TEX9: variants seen among roughly 807,000 people sequenced by gnomAD.
TEX9 encodes testis-expressed protein 9.
TEX9 carries 74 observed loss-of-function variants against 59.6 expected under a neutral mutation model. That is an observed-to-expected ratio of 1.24 (90% CI 1.03 to 1.51). TEX9 has a LOEUF of 1.51. Among genes scored for constraint, TEX9 ranks in the 40% most tolerant of loss-of-function variants. TEX9 has a pLI of 0.00. For synonymous variants in TEX9, 186 were observed against 152.2 expected (o/e 1.22, Z -1.64); for missense variants, 522 against 447.8 (o/e 1.17, Z -1.49).
At chr15:56,262,142 A>C (rs1256463391) in intron 1 of TEX9, among the ~76,000 whole-genome samples, 1 of 152,218 alleles carries the variant, frequency 6.6e-6, no homozygotes, top group Non-Finnish European at 1.5e-5. Context: ...CCAGGAAGCA[A>C]AAAATGTTTT....
intron 1 of TEX9, among the ~76,000 whole-genome samples, chr15:56,285,201 G>A (rs1405016982): frequency 2.0e-5 from 3 of 152,014 alleles, no homozygotes; most frequent in Admixed American, 6.6e-5. Flanking sequence ...GCAGTCTCTT[G>A]ATTTTCGTGT....
At chr15:56,315,903 A>G (rs1435358505) in intron 1 of TEX9, among the ~76,000 whole-genome samples, 1 of 151,008 alleles carries the variant, frequency 6.6e-6, no homozygotes, top group East Asian at 1.9e-4. Flanking sequence ...TATTCATTTC[A>G]TCTTCCATCG....
At chr15:56,264,706 T>G (rs1362038234) in intron 1 of TEX9, among the ~76,000 whole-genome samples, 1 of 152,236 alleles carries the variant, frequency 6.6e-6, no homozygotes, top group Non-Finnish European at 1.5e-5. Context: ...TTATCCTACA[T>G]TATACTGCAG....
At chr15:56,383,143 G>A (rs754205699) in intron 3 of TEX9, among the ~76,000 whole-genome samples, 44 of 152,218 alleles carry the variant, frequency 2.9e-4, no homozygotes, top group Non-Finnish European at 2.8e-4. Context: ...CAAAGTCTCC[G>A]CCCCGCATGA....
chr15:56,408,271 A>G (rs2049174665), intron 9 of TEX9, among the ~76,000 whole-genome samples: 1 of 152,244 alleles, frequency 6.6e-6, no homozygotes, highest in East Asian at 1.9e-4. Context: ...TCCACACTGT[A>G]GTTGTGGTCC....
chr15:56,341,456 G>T (rs2046370888), intron 1 of TEX9, among the ~76,000 whole-genome samples: 1 of 152,154 alleles, frequency 6.6e-6, no homozygotes, highest in Non-Finnish European at 1.5e-5. Context: ...CAGCTGGCCA[G>T]CGGTGAGTCA....
intron 1 of TEX9, among the ~76,000 whole-genome samples, chr15:56,256,768 A>G (rs555629796): frequency 1.3e-5 from 2 of 152,126 alleles, no homozygotes; most frequent in Middle Eastern, 6.8e-3. Flanking sequence ...TTACTTATTT[A>G]TTTATTTGTT....
chr15:56,346,423 G>A (rs1205175888), intron 1 of TEX9, among the ~76,000 whole-genome samples: 1 of 152,152 alleles, frequency 6.6e-6, no homozygotes, highest in South Asian at 2.1e-4. Context: ...TGGATCCCAG[G>A]ATGGCATCTA....
chr15:56,291,610 A>T (rs762430154), intron 1 of TEX9, among the ~76,000 whole-genome samples: 48 of 152,194 alleles, frequency 3.2e-4, no homozygotes, highest in Admixed American at 3.9e-4. Flanking sequence ...TATTAACTCT[A>T]GTCACCAAGA....
At chr15:56,247,519 A>C (rs993302708) in intron 1 of TEX9, among the ~76,000 whole-genome samples, 1 of 152,196 alleles carries the variant, frequency 6.6e-6, no homozygotes, top group Non-Finnish European at 1.5e-5. Context: ...TAACATGAGC[A>C]CTGGTGTGAA....
intron 3 of TEX9, among the ~76,000 whole-genome samples, chr15:56,376,312 T>C (rs1174033870): frequency 6.6e-6 from 1 of 152,126 alleles, no homozygotes; most frequent in African/African-American, 2.4e-5. Flanking sequence ...TAACTTTAGT[T>C]TTTTGAGGAA....
At chr15:56,427,606 A>T in exon 11 of TEX9, 1 of 1,523,726 alleles carries the variant, frequency 6.6e-7, no homozygotes, top group Non-Finnish European at 8.8e-7. Context: ...CTTGTGTAGG[A>T]CATAGCAAAT....
Position 56,412,392 on chromosome 15 carries a change from G to C in TEX9, c.919G>C (p.Glu307Gln), listed in dbSNP as rs765703973. The C allele has an allele frequency of 3.2e-5, 51 of 1,612,960 alleles. No homozygotes were observed. The highest frequency in any genetic ancestry group is 4.2e-5 in the Non-Finnish European group (50 of 1,179,630). The stretch of plus-strand genomic sequence containing the variant: ...CTTGAATAGAGCTCTAGAAGAAGCA[G>C]AAAAGTATAAACTGGAGTTAAGTAA... Residue 307 changes from glutamate to glutamine, a missense_variant, in exon 10 of 13, where the codon GAA (glutamate) becomes CAA (glutamine). Physicochemically the swap from Glu to Gln is conservative, Grantham distance 29 (BLOSUM62 2). Coordinates refer to ENST00000352903, the Ensembl canonical transcript of TEX9.
At chr15:56,430,999 A>G (rs2050576205) in intron 12 of TEX9, among the ~76,000 whole-genome samples, 1 of 152,170 alleles carries the variant, frequency 6.6e-6, no homozygotes, top group African/African-American at 2.4e-5. Flanking sequence ...TGTCCTTACC[A>G]AAAATACAAA....
At chr15:56,433,487 C>A (rs1567147071) in intron 12 of TEX9, among the ~76,000 whole-genome samples, 1 of 152,072 alleles carries the variant, frequency 6.6e-6, no homozygotes, top group Non-Finnish European at 1.5e-5. Flanking sequence ...CTTAAGTCTT[C>A]TCTCACCCTA....
At chr15:56,286,890 A>G (rs1307606732) in intron 1 of TEX9, among the ~76,000 whole-genome samples, 1 of 152,120 alleles carries the variant, frequency 6.6e-6, no homozygotes, top group African/African-American at 2.4e-5. Flanking sequence ...GCATATTTTA[A>G]CTATTTCACT....
intron 2 of TEX9, among the ~76,000 whole-genome samples, chr15:56,372,811 C>T (rs1327847639): frequency 6.6e-6 from 1 of 151,906 alleles, no homozygotes; most frequent in Non-Finnish European, 1.5e-5. Flanking sequence ...TAATATAGGA[C>T]CAAGTAAATA....
At chr15:56,328,984 C>G (rs1194194353) in intron 1 of TEX9, among the ~76,000 whole-genome samples, 9 of 151,846 alleles carry the variant, frequency 5.9e-5, no homozygotes, top group African/African-American at 2.2e-4. Context: ...AGATCGAGTG[C>G]TGTATTGGCT....
chr15:56,411,979 TA>T (rs1449823189), intron 9 of TEX9, among the ~76,000 whole-genome samples: 1 of 152,158 alleles, frequency 6.6e-6, no homozygotes, highest in African/African-American at 2.4e-5. Flanking sequence ...AATACAGTTA[TA>T]ATGAGTTGTT....
Sources: gnomAD v4.1 joint callset for allele counts (sites outside exome capture counted in the v4.1 genomes callset) on GRCh38, gnomAD v4.1.1 for gene constraint, MANE v1.5 for transcripts, NCBI Gene and HGNC (gene_info 2026-07-23, HGNC 2026-07-21) for gene names.